Variants in AFG2A observed in about 807,000 individuals in gnomAD.
The protein encoded by AFG2A is ATPase family gene 2 protein homolog A.
the AFG2A span, among the ~76,000 whole-genome samples, chr4:123,187,708 AAAAG>A: frequency 6.6e-6 from 1 of 152,102 alleles, no homozygotes. Context: ...AATTTTGAAA[AAAAG>A]AAAACAGGCA....
the AFG2A span, chr4:123,255,973 G>A: frequency 8.1e-6 from 13 of 1,609,908 alleles, no homozygotes; most frequent in African/African-American, 1.2e-4. Flanking sequence ...TGGAATGTCA[G>A]TTCTGAGCCC....
chr4:122,974,309 C>G, the AFG2A span, among the ~76,000 whole-genome samples: 7 of 151,966 alleles, frequency 4.6e-5, no homozygotes, highest in Admixed American at 1.3e-4. Flanking sequence ...TTCCCTGTTT[C>G]AGTTTTTCTG....
the AFG2A span, among the ~76,000 whole-genome samples, chr4:123,007,596 G>GTGT: frequency 4.4e-3 from 36 of 8,172 alleles, no homozygotes; most frequent in Admixed American, 0.012. Context: ...GTGTGTGTGT[G>GTGT]TGTGTGTGTG....
chr4:123,174,174 C>G, the AFG2A span, among the ~76,000 whole-genome samples: 12 of 152,176 alleles, frequency 7.9e-5, no homozygotes, highest in Non-Finnish European at 1.8e-4. Flanking sequence ...AGTATACTTT[C>G]AGTAGTTTTG....
At chr4:123,156,772 A>G in the AFG2A span, among the ~76,000 whole-genome samples, 11 of 151,254 alleles carry the variant, frequency 7.3e-5, no homozygotes, top group East Asian at 1.4e-3. Context: ...AAAAAAAAAA[A>G]AAAAGAAAAA....
the AFG2A span, among the ~76,000 whole-genome samples, chr4:123,064,638 T>C: frequency 6.6e-6 from 1 of 152,170 alleles, no homozygotes; most frequent in African/African-American, 2.4e-5. Flanking sequence ...GTTGGCCCAG[T>C]CTCCTCTGAC....
the AFG2A span, among the ~76,000 whole-genome samples, chr4:123,084,590 A>ATATATG: frequency 2.1e-5 from 3 of 143,226 alleles, no homozygotes; most frequent in East Asian, 6.0e-4. Flanking sequence ...GTATATATAT[A>ATATATG]TGTGTGTGTG....
chr4:123,261,011 A>G, the AFG2A span, among the ~76,000 whole-genome samples: 2 of 152,178 alleles, frequency 1.3e-5, no homozygotes. Context: ...ATTGTGAACT[A>G]TGCGTGCGAG....
At chr4:123,189,267 C>T in the AFG2A span, among the ~76,000 whole-genome samples, 913 of 152,242 alleles carry the variant, frequency 6.0e-3, 7 homozygotes, top group African/African-American at 0.02. Flanking sequence ...CTCTTTTTCA[C>T]CTAAGATTTT....
chr4:123,229,113 T>C, the AFG2A span, among the ~76,000 whole-genome samples: 1 of 152,076 alleles, frequency 6.6e-6, no homozygotes, highest in East Asian at 1.9e-4. Flanking sequence ...GCATATAACA[T>C]TTATGTTCAA....
the AFG2A span, among the ~76,000 whole-genome samples, chr4:123,222,345 T>C: frequency 6.6e-6 from 1 of 152,344 alleles, no homozygotes; most frequent in South Asian, 2.1e-4. Flanking sequence ...ATGTTTCTTC[T>C]TGACCTAAAA....
the AFG2A span, among the ~76,000 whole-genome samples, chr4:123,058,504 A>G: frequency 6.6e-6 from 1 of 152,192 alleles, no homozygotes; most frequent in African/African-American, 2.4e-5. Flanking sequence ...GGTTGCCTGT[A>G]ATTCCAGCTA....
chr4:123,001,696 C>T, the AFG2A span, among the ~76,000 whole-genome samples: 6 of 152,058 alleles, frequency 3.9e-5, no homozygotes, highest in Non-Finnish European at 5.9e-5. Flanking sequence ...TGTTCTTTTA[C>T]ATTTGCTGAG....
At chr4:123,289,802 C>T in the AFG2A span, among the ~76,000 whole-genome samples, 46 of 151,600 alleles carry the variant, frequency 3.0e-4, no homozygotes, top group Admixed American at 6.6e-4. Context: ...TTTTTTTATA[C>T]GGTTGTTGGC....
At chr4:123,220,779 T>C in the AFG2A span, among the ~76,000 whole-genome samples, 2,096 of 152,258 alleles carry the variant, frequency 0.014, 48 homozygotes, top group African/African-American at 0.049. Context: ...CTTATAATGG[T>C]TAATCAGTTT....
the AFG2A span, among the ~76,000 whole-genome samples, chr4:123,166,818 T>C: frequency 6.6e-6 from 1 of 152,218 alleles, no homozygotes; most frequent in South Asian, 2.1e-4. Context: ...TAACTATGTC[T>C]ACCTTCACTT....
chr4:123,187,107 G>A, the AFG2A span, among the ~76,000 whole-genome samples: 4 of 152,248 alleles, frequency 2.6e-5, no homozygotes, highest in Admixed American at 2.0e-4. Context: ...CTATTGTTTT[G>A]TAAATAAGAT....
chr4:122,933,196 G>T, the AFG2A span, among the ~76,000 whole-genome samples: 1 of 152,136 alleles, frequency 6.6e-6, no homozygotes, highest in South Asian at 2.1e-4. Context: ...CATTACCCTT[G>T]TGTTTTGAAG....
At chr4:123,102,239 A>G in the AFG2A span, 2 of 151,060 alleles carry the variant, frequency 1.3e-5, no homozygotes, top group African/African-American at 2.4e-5. Flanking sequence ...CAAACAGATC[A>G]TAAAGCAAGC....
Sources: allele counts gnomAD v4.1 joint callset (sites outside exome capture counted in the v4.1 genomes callset), GRCh38; gene constraint gnomAD v4.1.1; transcripts MANE v1.5; gene names NCBI Gene and HGNC (gene_info 2026-07-23, HGNC 2026-07-21).